The following ADAM2 variants were observed in gnomAD, a reference collection of about 807,000 sequenced individuals.
ADAM2 encodes the protein ADAM metallopeptidase domain 2.
A neutral mutation model predicts 99.3 loss-of-function variants in ADAM2; 101 were observed. That is an observed-to-expected ratio of 1.02 (90% CI 0.87 to 1.20). The LOEUF (loss-of-function observed/expected upper bound fraction) is 1.20, where lower values mean the gene tolerates loss of function less well. ADAM2 is among the 50% of genes most tolerant of loss of function. The probability of loss-of-function intolerance (pLI) is 0.00; values close to 1 mark genes in which losing one functional copy is unlikely to be tolerated. For missense variants in ADAM2, 948 were observed against 878.7 expected (o/e 1.08, Z -1.00); for synonymous variants, 323 against 287.6 (o/e 1.12, Z -1.25).
chr8:39,838,016 T>A, intron 1 of ADAM2, 115 bp downstream of exon 1: 1 of 1,158,140 alleles, frequency 8.6e-7, no homozygotes, highest in Non-Finnish European at 1.3e-6. Context: ...TTGGAATTGC[T>A]GAGTTGGAAA....
At chr8:39,830,144 C>T (rs1168147253) in intron 3 of ADAM2, among the ~76,000 whole-genome samples, 1 of 151,984 alleles carries the variant, frequency 6.6e-6, no homozygotes, top group Non-Finnish European at 1.5e-5. Context: ...TTAATGTATG[C>T]CAATTTTATT....
At chr8:39,748,185 G>A (rs1823552242) in intron 18 of ADAM2, among the ~76,000 whole-genome samples, 2 of 152,150 alleles carry the variant, frequency 1.3e-5, no homozygotes, top group African/African-American at 4.8e-5. Flanking sequence ...TTCAGGGAAT[G>A]AGAGAAGTAA....
chr8:39,812,265 G>A (rs1482085197), intron 6 of ADAM2, among the ~76,000 whole-genome samples: 1 of 152,178 alleles, frequency 6.6e-6, no homozygotes, highest in Non-Finnish European at 1.5e-5. Flanking sequence ...ACTGCTCAAC[G>A]AAATAAAAGA....
intron 8 of ADAM2, 78 bp downstream of exon 8, chr8:39,788,591 C>T: frequency 1.0e-6 from 1 of 983,098 alleles, no homozygotes; most frequent in Non-Finnish European, 1.5e-6. Flanking sequence ...CGTGTGGATT[C>T]ATGTAGTGTC....
Position 39,761,292 on chromosome 8 carries a change from A to G in ADAM2, c.1508-11T>C. 6.6e-7 allele frequency: 1 copy of G among 1,525,524 alleles called. No homozygotes were observed. Among genetic ancestry groups the G allele is most frequent in the Non-Finnish European group, 9.0e-7 (1 of 1,114,588 alleles). 94.5% of individuals were successfully genotyped at this position (1,525,524 alleles called of 1,614,324 possible). A position where few individuals can be genotyped will look rare whatever the true frequency, so the allele number is the denominator to read the frequency against. On this transcript the variant is annotated splice_polypyrimidine_tract_variant and intron_variant, in intron 14 of 20. Coordinates refer to ENST00000265708, the MANE Select transcript of ADAM2 (RefSeq NM_001464.5). ...GGCCAAACTCTACTTCTGAAAATAA[A>G]AAGGTGAGGTTAGTCATATTAAACT...
chr8:39,767,913 C>CACA (rs1467284554), intron 12 of ADAM2, among the ~76,000 whole-genome samples: 1 of 151,884 alleles, frequency 6.6e-6, no homozygotes, highest in African/African-American at 2.4e-5. Flanking sequence ...CACACACACA[C>CACA]ACACACACAC....
chr8:39,831,971 T>A (rs113345230), intron 3 of ADAM2, among the ~76,000 whole-genome samples: 4 of 152,212 alleles, frequency 2.6e-5, no homozygotes, highest in African/African-American at 9.6e-5. Flanking sequence ...GGATGTTAAT[T>A]CTCAAATTGA....
At chr8:39,793,392 G>A (rs188090996) in intron 7 of ADAM2, among the ~76,000 whole-genome samples, 109 of 152,236 alleles carry the variant, frequency 7.2e-4, no homozygotes, top group Non-Finnish European at 1.4e-3. Flanking sequence ...ATTACCAAGG[G>A]ATGGATGGAC....
At chr8:39,799,510 G>A (rs1804115755) in intron 7 of ADAM2, among the ~76,000 whole-genome samples, 1 of 152,192 alleles carries the variant, frequency 6.6e-6, no homozygotes, top group Non-Finnish European at 1.5e-5. Context: ...TGTATATTGT[G>A]TTGATTTAGG....
At position 39,777,017 on chromosome 8, in the gene ADAM2, A is replaced by C. The variant is rs763693509; in HGVS notation, c.1028+8T>G. 1 of 1,536,594 alleles carries C rather than the reference A, an allele frequency of 6.5e-7. No individual in the cohort carries two copies. The highest frequency in any genetic ancestry group is 9.0e-7 in the Non-Finnish European group (1 of 1,113,986). On this transcript the variant is annotated splice_region_variant and intron_variant, in intron 11 of 20. Coordinates refer to ENST00000265708, the MANE Select transcript of ADAM2 (RefSeq NM_001464.5). The stretch of plus-strand genomic sequence containing the variant: ...ATATATGTAAAGTATAAAAGTCAGA[A>C]ATCTTACATTGCTTCTGGATTCATA...
At chr8:39,769,347 T>C in intron 12 of ADAM2, 45 bp downstream of exon 12, 1 of 1,464,848 alleles carries the variant, frequency 6.8e-7, no homozygotes, top group Non-Finnish European at 9.3e-7. Flanking sequence ...TAATAAGTAA[T>C]TTTTGCTGCA....
intron 20 of ADAM2, 40 bp downstream of exon 20, chr8:39,744,790 T>G (rs1301462059): frequency 1.5e-6 from 2 of 1,366,020 alleles, no homozygotes; most frequent in East Asian, 4.6e-5. Context: ...GTCCCAGTAC[T>G]TAAAGTAAAA....
chr8:39,758,959 T>C (rs763762816), intron 15 of ADAM2, among the ~76,000 whole-genome samples: 1 of 152,126 alleles, frequency 6.6e-6, no homozygotes, highest in Non-Finnish European at 1.5e-5. Context: ...TACTTCTTCC[T>C]ACAGTACATT....
Position 39,786,640 on chromosome 8 carries a change from A to G in ADAM2, c.891+334T>C, listed in dbSNP as rs1333460944. ...TGGTTAATAATTATGTTCACTACATAATTAGGAAAACATATAAAATCTAAG... is the reference window on the plus strand; with the variant it reads ...TGGTTAATAATTATGTTCACTACATGATTAGGAAAACATATAAAATCTAAG... On this transcript the variant is annotated intron_variant, in intron 10 of 20. Coordinates refer to ENST00000265708, the MANE Select transcript of ADAM2 (RefSeq NM_001464.5). 2.6e-5 allele frequency among the ~76,000 whole-genome samples: 4 copies of G among 152,170 alleles called. No homozygotes were observed. The East Asian group carries it at 7.7e-4, about 29-fold the overall frequency.
In ADAM2 at chr8:39,786,076, T is replaced by A. The variant is rs1342883449; in HGVS notation, c.891+898A>T. ...CAGGAACAGAAAACCAAATACTGCG[T>A]GTTCTCACTTATAAGTGGGAGCTAA... is the stretch of plus-strand genomic sequence containing the variant. On this transcript the variant is annotated intron_variant, in intron 10 of 20. Coordinates refer to ENST00000265708, the MANE Select transcript of ADAM2 (RefSeq NM_001464.5). Among the ~76,000 whole-genome samples, 4 of 152,210 alleles carry A rather than the reference T, an allele frequency of 2.6e-5. No individual in the cohort carries two copies. The East Asian group carries it at 7.7e-4, about 29-fold the overall frequency.
At chr8:39,790,991 C>T (rs1487030391) in intron 7 of ADAM2, among the ~76,000 whole-genome samples, 1 of 151,700 alleles carries the variant, frequency 6.6e-6, no homozygotes, top group Non-Finnish European at 1.5e-5. Context: ...AAATCCCATG[C>T]ATCTAAACAG....
At chr8:39,800,025 A>C (rs1387225968) in intron 7 of ADAM2, among the ~76,000 whole-genome samples, 1 of 152,140 alleles carries the variant, frequency 6.6e-6, no homozygotes, top group Non-Finnish European at 1.5e-5. Context: ...GCTCATTTAC[A>C]CTTAAGATTA....
At chr8:39,760,216 A>C (rs1355848874) in intron 15 of ADAM2, among the ~76,000 whole-genome samples, 1 of 152,196 alleles carries the variant, frequency 6.6e-6, no homozygotes, top group Admixed American at 6.5e-5. Context: ...GTTAGCACTC[A>C]TATAGTACAT....
chr8:39,791,614 G>A (rs1339469740), intron 7 of ADAM2, among the ~76,000 whole-genome samples: 2 of 151,960 alleles, frequency 1.3e-5, no homozygotes, highest in African/African-American at 4.8e-5. Context: ...TTGAATTTCA[G>A]CTGTACTCTC....
Sources: gnomAD v4.1 joint callset for allele counts (sites outside exome capture counted in the v4.1 genomes callset) on GRCh38, gnomAD v4.1.1 for gene constraint, MANE v1.5 for transcripts, NCBI Gene and HGNC (gene_info 2026-07-23, HGNC 2026-07-21) for gene names.